Variants in TTLL1 observed in about 807,000 individuals in gnomAD.
TTLL1 encodes TTL family tubulin polyglutamylase complex subunit L1, also known as polyglutamylase complex subunit TTLL1.
In TTLL1, 33 loss-of-function variants were observed where a neutral mutation model predicts 47.8. That is an observed-to-expected ratio of 0.69 (90% CI 0.52 to 0.92). The LOEUF is 0.92. Ranked by LOEUF, TTLL1 falls within the 40% of genes least tolerant of loss-of-function variation. The pLI, the probability that TTLL1 is intolerant of heterozygous loss-of-function variation, is 0.00. For missense variants in TTLL1, 488 were observed against 547.5 expected (o/e 0.89, Z 1.08); for synonymous variants, 225 against 214.1 (o/e 1.05, Z -0.45).
At chr22:43,046,249 G>C (rs1282267442) in intron 10 of TTLL1, among the ~76,000 whole-genome samples, 161 bp downstream of exon 10, 2 of 151,962 alleles carry the variant, frequency 1.3e-5, no homozygotes, top group Non-Finnish European at 2.9e-5. Context: ...TAAACAAATT[G>C]CTTTTCTGCT....
intron 10 of TTLL1, among the ~76,000 whole-genome samples, chr22:43,045,666 C>A (rs1926066770): frequency 1.3e-5 from 2 of 151,982 alleles, no homozygotes; most frequent in African/African-American, 4.8e-5. Flanking sequence ...CACTGAGTTC[C>A]TCCCTGTCAC....
chr22:43,064,140 T>C, intron 6 of TTLL1, 50 bp downstream of exon 6: 1 of 1,591,050 alleles, frequency 6.3e-7, no homozygotes, highest in African/African-American at 1.4e-5. Context: ...AGAAAGACGT[T>C]TTGGGTGAAA....
In TTLL1 at chr22:43,051,827, C is replaced by G. The variant is rs570543392; in HGVS notation, c.952G>C (p.Asp318His). ...ECYGYDIIID[D>H]KLKPWLIEVN... is the part of the protein sequence containing the mutation. ...TCGATCAGCCAGGGCTTCAGCTTGT[C>G]GTCGATGATGATGTCGTAGCCATAG... Residue 318 changes from aspartate to histidine, a missense_variant, in exon 9 of 11, where the codon GAC becomes CAC. Coordinates refer to ENST00000266254, the MANE Select transcript of TTLL1 (RefSeq NM_012263.5). The G allele has an allele frequency of 6.2e-7, 1 of 1,614,026 alleles. No individual in the cohort carries two copies. The highest frequency in any genetic ancestry group is 1.1e-5 in the South Asian group (1 of 91,070).
Position 43,064,435 on chromosome 22 carries a change from A to G in TTLL1, c.504-111T>C. The G allele has an allele frequency of 2.2e-6, 3 of 1,352,396 alleles. No homozygotes were observed. In the South Asian group the frequency reaches 4.5e-5, roughly 20 times the overall value. The allele number at this position is 1,352,396 out of a possible 1,614,324, so 83.8% of individuals were successfully genotyped here. On this transcript the variant is annotated intron_variant, in intron 5 of 10. Transcript: ENST00000266254. Reference sequence around the variant, plus strand: ...GGACTTCATTAAAATTAAAAAATTAAAGAGTTTTGGCTGGGCGCGGTGGCT... The same window carrying G: ...GGACTTCATTAAAATTAAAAAATTAGAGAGTTTTGGCTGGGCGCGGTGGCT...
At chr22:43,078,562 C>G (rs377201122) in intron 2 of TTLL1, among the ~76,000 whole-genome samples, 1 of 151,934 alleles carries the variant, frequency 6.6e-6, no homozygotes, top group Non-Finnish European at 1.5e-5. Flanking sequence ...CAAGGGAGTC[C>G]GGGTGCCCTG....
rs948810878 is a variant in TTLL1, at chr22:43,074,204, A to G, written c.113+1270T>C. Among the ~76,000 whole-genome samples the G allele has an allele frequency of 2.4e-3, 357 of 151,514 alleles. 3 individuals are homozygous for G. Among genetic ancestry groups the G allele is most frequent in the African/African-American group, 8.1e-3 (336 of 41,344 alleles). ...CACTTTGGGAGGCCAAGGCGGGCGG[A>G]TCACCTGAGGTCGGGAGTTCGAGAC... On this transcript the variant is annotated intron_variant, in intron 3 of 10. Coordinates refer to ENST00000266254, the MANE Select transcript of TTLL1 (RefSeq NM_012263.5).
intron 1 of TTLL1, among the ~76,000 whole-genome samples, chr22:43,087,665 C>T (rs915694903): frequency 3.3e-5 from 5 of 150,434 alleles, no homozygotes; most frequent in Non-Finnish European, 7.4e-5. Flanking sequence ...TGGTGAAACC[C>T]TATCTCTACT....
intron 4 of TTLL1, among the ~76,000 whole-genome samples, chr22:43,069,319 G>T (rs1184271113): frequency 1.3e-5 from 2 of 150,826 alleles, no homozygotes; most frequent in Non-Finnish European, 2.9e-5. Context: ...TTGAACTCAG[G>T]AGGCGGAGGT....
Position 43,068,596 on chromosome 22 carries a change from A to G in TTLL1, c.323-6T>C, listed in dbSNP as rs775521985. 15 of 1,473,206 alleles carry G rather than the reference A, an allele frequency of 1.0e-5. No individual in the cohort carries two copies. The South Asian group carries it at 1.3e-4, about 13-fold the overall frequency. 91.3% of individuals were successfully genotyped at this position (1,473,206 alleles called of 1,614,324 possible). ...ATAGGTGACTGGAACAAAGTCTGCA[A>G]GGCAAAGACACCCAGCACTGGTAAG... On this transcript the variant is annotated splice_polypyrimidine_tract_variant and splice_region_variant and intron_variant, in intron 4 of 10. Coordinates refer to ENST00000266254, the MANE Select transcript of TTLL1 (RefSeq NM_012263.5).
intron 1 of TTLL1, among the ~76,000 whole-genome samples, chr22:43,081,896 C>A (rs12163318): frequency 7.8e-6 from 1 of 128,292 alleles, no homozygotes; most frequent in Non-Finnish European, 1.6e-5. Context: ...GTCACTCAGG[C>A]TGGAGTGCAG....
At chr22:43,078,376 A>G (rs1390330145) in intron 2 of TTLL1, among the ~76,000 whole-genome samples, 2 of 151,946 alleles carry the variant, frequency 1.3e-5, no homozygotes, top group Admixed American at 6.6e-5. Context: ...TGTGCCTGTA[A>G]TCCCAGCTAC....
At chr22:43,088,532 A>T (rs1483946608) in intron 1 of TTLL1, among the ~76,000 whole-genome samples, 9 of 148,780 alleles carry the variant, frequency 6.0e-5, no homozygotes, top group Non-Finnish European at 1.5e-5. Flanking sequence ...TTTAGTATAG[A>T]CGGGGTTTCA....
chr22:43,073,278 G>A (rs1928246964), intron 3 of TTLL1, among the ~76,000 whole-genome samples: 1 of 151,782 alleles, frequency 6.6e-6, no homozygotes, highest in Non-Finnish European at 1.5e-5. Context: ...CACCTGCCTG[G>A]GCATCCCAAG....
intron 10 of TTLL1, among the ~76,000 whole-genome samples, chr22:43,042,861 G>C (rs1469033522): frequency 6.6e-6 from 1 of 152,098 alleles, no homozygotes; most frequent in East Asian, 1.9e-4. Context: ...AGGAGAGGAC[G>C]GCTGGATCAG....
chr22:43,077,562 G>A (rs1928589562), intron 2 of TTLL1, among the ~76,000 whole-genome samples: 1 of 152,192 alleles, frequency 6.6e-6, no homozygotes, highest in South Asian at 2.1e-4. Flanking sequence ...GGGATGCTCA[G>A]TTCAGATGGA....
intron 9 of TTLL1, among the ~76,000 whole-genome samples, chr22:43,049,795 A>T (rs1016722089): frequency 4.0e-5 from 6 of 151,576 alleles, no homozygotes; most frequent in African/African-American, 1.5e-4. Context: ...AGAAAAGAAA[A>T]AAAAAAAAGA....
At chr22:43,080,064 GT>G in intron 1 of TTLL1, 78 bp from the exon 2 acceptor site, 2 of 152,004 alleles carry the variant, frequency 1.3e-5, no homozygotes, top group Non-Finnish European at 2.9e-5. Context: ...GTTTGTTTTT[GT>G]TTTTTTGAGA....
rs1926163579 is a variant in TTLL1, at chr22:43,046,677, G to C, written c.979-104C>G. The stretch of plus-strand genomic sequence containing the variant: ...GCTGGCTGCTACACACTTTAGTGAA[G>C]TTTTTTTTTGAGACAGAGTTTCGCT... On this transcript the variant is annotated intron_variant, in intron 9 of 10. Transcript: ENST00000266254. The C allele has an allele frequency of 3.0e-6, 4 of 1,329,942 alleles. No individual in the cohort carries two copies. In the South Asian group the frequency reaches 5.7e-5, roughly 19 times the overall value. The allele number at this position is 1,329,942 out of a possible 1,614,324, so 82.4% of individuals were successfully genotyped here.
At chr22:43,078,707 C>T (rs111593111) in intron 2 of TTLL1, among the ~76,000 whole-genome samples, 17 of 152,020 alleles carry the variant, frequency 1.1e-4, no homozygotes, top group Non-Finnish European at 2.4e-4. Context: ...TAAACAGAAC[C>T]GCTCTCTGCA....
Sources: gnomAD v4.1 joint callset for allele counts (sites outside exome capture counted in the v4.1 genomes callset) on GRCh38, gnomAD v4.1.1 for gene constraint, MANE v1.5 for transcripts, NCBI Gene and HGNC (gene_info 2026-07-23, HGNC 2026-07-21) for gene names.